Variants in DNM3 observed in about 807,000 individuals in gnomAD.
DNM3 encodes dynamin-3.
Under a neutral mutation model 101.6 loss-of-function variants are expected in DNM3, and 47 were observed. The ratio of observed to expected loss-of-function variants is 0.46; its 90% CI spans 0.37 to 0.59. The LOEUF is 0.59. Among genes scored for constraint, DNM3 ranks in the 20% least tolerant of loss-of-function variants. The pLI, the probability that DNM3 is intolerant of heterozygous loss-of-function variation, is 0.00. For missense variants in DNM3, 849 were observed against 1,085.7 expected (o/e 0.78, Z 3.06); for synonymous variants, 385 against 387.9 (o/e 0.99, Z 0.09).
intron 15 of DNM3, among the ~76,000 whole-genome samples, chr1:172,304,263 A>G (rs886430730): frequency 2.7e-5 from 4 of 145,914 alleles, no homozygotes; most frequent in East Asian, 2.0e-4. Flanking sequence ...CAGACTTTAA[A>G]CCAACAAAGA....
At chr1:172,305,886 A>G (rs1309019906) in intron 15 of DNM3, among the ~76,000 whole-genome samples, 1 of 152,236 alleles carries the variant, frequency 6.6e-6, no homozygotes, top group Non-Finnish European at 1.5e-5. Context: ...GTATCTCAAA[A>G]TAATAAGAGC....
intron 20 of DNM3, among the ~76,000 whole-genome samples, chr1:172,405,731 G>T (rs1266548662): frequency 6.6e-6 from 1 of 151,850 alleles, no homozygotes; most frequent in Non-Finnish European, 1.5e-5. Context: ...CTGGTTAATT[G>T]CTAAGAATAC....
At chr1:172,308,910 C>A in intron 16 of DNM3, 71 bp downstream of exon 16, 1 of 842,896 alleles carries the variant, frequency 1.2e-6, no homozygotes, top group South Asian at 2.1e-5. Context: ...TCCTACATAC[C>A]ATAAGCTGGA....
chr1:171,907,493 GAA>G (rs760340537), intron 1 of DNM3, among the ~76,000 whole-genome samples: 5 of 130,786 alleles, frequency 3.8e-5, no homozygotes, highest in Non-Finnish European at 3.3e-5. Flanking sequence ...CTCCGTCACA[GAA>G]AAAAAAAAAA....
Position 172,032,464 on chromosome 1 carries a change from G to T in DNM3, c.652G>T (p.Asp218Tyr). 2 of 1,608,812 alleles carry T rather than the reference G, an allele frequency of 1.2e-6. No individual in the cohort carries two copies. The highest frequency in any genetic ancestry group is 1.7e-6 in the Non-Finnish European group (2 of 1,176,996). ...TATGGATGAAGGAACGGATGCCAGG[G>T]ATGTTCTAGAGAACAAACTGTTGCC... ...DLMDEGTDAR[D>Y]VLENKLLPLR... The change falls in exon 5 of 21, where the codon GAT becomes TAT. Residue 218 changes from aspartate to tyrosine, a missense_variant. Around this residue, in one of 5 missense-constraint regions of DNM3, gnomAD observed 388 missense variants for 483.0 expected, o/e 0.80. Coordinates refer to ENST00000627582, the MANE Select transcript of DNM3 (RefSeq NM_015569.5).
At chr1:172,323,380 G>C (rs1370016089) in intron 17 of DNM3, 40 bp downstream of exon 17, 3 of 1,597,036 alleles carry the variant, frequency 1.9e-6, no homozygotes, top group South Asian at 1.1e-5. Flanking sequence ...TGTCCCCCCA[G>C]CCCCTGCTCC....
At chr1:172,190,488 T>C (rs2059677565) in intron 14 of DNM3, among the ~76,000 whole-genome samples, 1 of 152,190 alleles carries the variant, frequency 6.6e-6, no homozygotes, top group African/African-American at 2.4e-5. Flanking sequence ...TGCATGTGTC[T>C]TTATAGCAGC....
intron 6 of DNM3, among the ~76,000 whole-genome samples, chr1:172,033,874 T>A (rs2048783428): frequency 1.3e-5 from 2 of 152,152 alleles, no homozygotes; most frequent in African/African-American, 4.8e-5. Context: ...TGCTCTTACT[T>A]GGTTACAGAT....
At chr1:172,344,998 T>G (rs2148967723) in intron 17 of DNM3, among the ~76,000 whole-genome samples, 1 of 152,350 alleles carries the variant, frequency 6.6e-6, no homozygotes, top group East Asian at 1.9e-4. Context: ...TCATATTTTA[T>G]AGCCTTATAA....
intron 17 of DNM3, among the ~76,000 whole-genome samples, chr1:172,369,365 G>C (rs971117927): frequency 6.6e-6 from 1 of 151,736 alleles, no homozygotes; most frequent in Non-Finnish European, 1.5e-5. Context: ...CAGAATGAAG[G>C]ACAGAAACAA....
At chr1:172,362,168 T>G (rs1195362441) in intron 17 of DNM3, among the ~76,000 whole-genome samples, 1 of 152,004 alleles carries the variant, frequency 6.6e-6, no homozygotes, top group Non-Finnish European at 1.5e-5. Context: ...TTTCACTTAT[T>G]AAATATGATT....
chr1:172,244,574 C>G (rs1031504991), intron 14 of DNM3, among the ~76,000 whole-genome samples: 1 of 152,078 alleles, frequency 6.6e-6, no homozygotes, highest in Non-Finnish European at 1.5e-5. Context: ...CAAAAGAAGA[C>G]ATTTATGCAG....
At chr1:172,263,157 T>C (rs1007215909) in intron 15 of DNM3, among the ~76,000 whole-genome samples, 1 of 152,212 alleles carries the variant, frequency 6.6e-6, no homozygotes, top group Admixed American at 6.5e-5. Flanking sequence ...TGATTTCTTC[T>C]AGGGGTGAGG....
At chr1:172,154,814 A>G (rs1572750092) in intron 14 of DNM3, among the ~76,000 whole-genome samples, 1 of 152,074 alleles carries the variant, frequency 6.6e-6, no homozygotes, top group African/African-American at 2.4e-5. Context: ...AATTAAAACG[A>G]AAGTCTCATT....
chr1:172,134,739 A>T (rs969507268), intron 14 of DNM3, among the ~76,000 whole-genome samples: 11 of 152,168 alleles, frequency 7.2e-5, no homozygotes, highest in African/African-American at 2.7e-4. Context: ...AAATAAAGCC[A>T]GTGATGAGTT....
chr1:172,268,696 A>G (rs1213018434), intron 15 of DNM3, among the ~76,000 whole-genome samples: 2 of 152,224 alleles, frequency 1.3e-5, no homozygotes, highest in Non-Finnish European at 2.9e-5. Context: ...CAGCTAAGAT[A>G]TATTCTCATG....
intron 14 of DNM3, among the ~76,000 whole-genome samples, chr1:172,214,470 T>C (rs2060623042): frequency 6.6e-6 from 1 of 151,990 alleles, no homozygotes; most frequent in Non-Finnish European, 1.5e-5. Context: ...AAAGTTTGGA[T>C]ACATATACAT....
intron 15 of DNM3, among the ~76,000 whole-genome samples, chr1:172,270,974 T>C (rs1017574653): frequency 9.9e-5 from 15 of 152,278 alleles, no homozygotes; most frequent in African/African-American, 3.4e-4. Context: ...ATGAGTGATA[T>C]GTGTTATACT....
At chr1:171,926,099 C>G (rs927785147) in intron 2 of DNM3, among the ~76,000 whole-genome samples, 1 of 152,146 alleles carries the variant, frequency 6.6e-6, no homozygotes, top group African/African-American at 2.4e-5. Context: ...GTTTTGGTTA[C>G]TATAGCCTTG....
Sources: allele counts gnomAD v4.1 joint callset (sites outside exome capture counted in the v4.1 genomes callset), GRCh38; gene constraint gnomAD v4.1.1; regional missense constraint gnomAD v4.1.1; transcripts MANE v1.5; gene names NCBI Gene and HGNC (gene_info 2026-07-23, HGNC 2026-07-21).